The following LYSMD2 variants were observed in gnomAD, a reference collection of about 807,000 sequenced individuals.
The protein encoded by LYSMD2 is lysM and putative peptidoglycan-binding domain-containing protein 2.
LYSMD2 carries 6 observed loss-of-function variants against 17.7 expected under a neutral mutation model. That is an observed-to-expected ratio of 0.34 (90% CI 0.19 to 0.67). The LOEUF is 0.67. Among genes scored for constraint, LYSMD2 ranks in the 30% least tolerant of loss-of-function variants. LYSMD2 has a pLI of 0.69. For missense variants in LYSMD2, 237 were observed against 286.7 expected (o/e 0.83, Z 1.25); for synonymous variants, 102 against 129.8 (o/e 0.79, Z 1.45).
rs1266716128 is a variant in LYSMD2, at chr15:51,723,607, C to T, written c.648G>A (p.Ter216=). Residue 216 remains the stop codon, a stop_retained_variant, in exon 3 of 3, where the codon TAG becomes TAA. Transcript: ENST00000267838. ...GGTTAGAGTTATGCCCCCAAATCAC[C>T]TAACTGTGATAGAGGGAAGTTGCAT... is the stretch of plus-strand genomic sequence containing the variant. ...SPYATSLYHS[*] is the part of the protein sequence containing the mutation. 6 of 1,605,910 alleles carry T rather than the reference C, an allele frequency of 3.7e-6. No individual in the cohort carries two copies. The South Asian group carries it at 6.6e-5, about 18-fold the overall frequency.
intron 1 of LYSMD2, among the ~76,000 whole-genome samples, chr15:51,742,711 A>C (rs988568551): frequency 6.6e-6 from 1 of 152,168 alleles, no homozygotes; most frequent in Non-Finnish European, 1.5e-5. Flanking sequence ...TAATACCAGC[A>C]CTTTAAGAGG....
chr15:51,738,771 T>C (rs1207788115), upstream of LYSMD2, among the ~76,000 whole-genome samples: 1 of 152,156 alleles, frequency 6.6e-6, no homozygotes, highest in Non-Finnish European at 1.5e-5. Context: ...AGAGAAAGGA[T>C]GGGAGAGGAG....
At chr15:51,737,819 G>C (rs2055622426), upstream of LYSMD2, 15 of 346,058 alleles carry the variant, frequency 4.3e-5, no homozygotes, top group East Asian at 7.0e-4. The surrounding 1 kb of genome is among the most constrained non-coding windows in gnomAD (Gnocchi z 4.2). Context: ...TGCCTGCCCC[G>C]GGCGCCCGCG....
At chr15:51,743,041 T>C (rs541925771) in intron 1 of LYSMD2, among the ~76,000 whole-genome samples, 1 of 152,240 alleles carries the variant, frequency 6.6e-6, no homozygotes, top group South Asian at 2.1e-4. Flanking sequence ...CATACTTTGG[T>C]GTTGTGTATA....
At chr15:51,734,332 T>A (rs376164779) in intron 1 of LYSMD2, among the ~76,000 whole-genome samples, 1 of 152,190 alleles carries the variant, frequency 6.6e-6, no homozygotes, top group African/African-American at 2.4e-5. Flanking sequence ...TTGAGGAACA[T>A]GGATCTATTC....
In LYSMD2 at chr15:51,725,200, C is replaced by G; in HGVS notation, c.274-79G>C. On this transcript the variant is annotated intron_variant, in intron 1 of 2. Coordinates refer to ENST00000267838, the MANE Select transcript of LYSMD2 (RefSeq NM_153374.3). ...GATTTATTATACAATACAGAACTACCAATATTCATAAGCAAAATGTACACA... is the reference window on the plus strand; with the variant it reads ...GATTTATTATACAATACAGAACTACGAATATTCATAAGCAAAATGTACACA... 9 of 882,432 alleles carry G rather than the reference C, an allele frequency of 1.0e-5. No individual in the cohort carries two copies. The South Asian group carries it at 1.7e-4, about 17-fold the overall frequency. The allele number at this position is 882,432 out of a possible 1,614,324, so 54.7% of individuals were successfully genotyped here. A position where few individuals can be genotyped will look rare whatever the true frequency, so the allele number is the denominator to read the frequency against.
chr15:51,731,503 G>T (rs1441369300), intron 1 of LYSMD2, among the ~76,000 whole-genome samples: 1 of 152,090 alleles, frequency 6.6e-6, no homozygotes. Flanking sequence ...TTTCGTTAGC[G>T]GAAATGTTAA....
chr15:51,737,571 G>A lies in LYSMD2; in HGVS notation c.52C>T (p.Pro18Ser), dbSNP rs2055619552. The part of the protein sequence containing the change: ...LSLREGGPRA[P>S]RPSAPSPPPR... ...GGCGGCGAGGGGGCCGAGGGCCGCGGCGCGCGGGGGCCGCCTTCCCGCAGG... is the reference window on the plus strand; with the variant it reads ...GGCGGCGAGGGGGCCGAGGGCCGCGACGCGCGGGGGCCGCCTTCCCGCAGG... The change falls in exon 1 of 3, where the codon CCG becomes TCG. Residue 18 changes from proline (P) to serine (S), a missense_variant. Coordinates refer to ENST00000267838, the MANE Select transcript of LYSMD2 (RefSeq NM_153374.3). This position sits in a 1 kb window ranked among gnomAD's most constrained non-coding sequence, Gnocchi z 4.2. 8.2e-7 allele frequency: 1 copy of A among 1,219,560 alleles called. No homozygotes were observed. The highest frequency in any genetic ancestry group is 3.4e-5 in the East Asian group (1 of 29,806). 75.5% of individuals were successfully genotyped at this position (1,219,560 alleles called of 1,614,324 possible). A position where few individuals can be genotyped will look rare whatever the true frequency, so the allele number is the denominator to read the frequency against.
In LYSMD2 at chr15:51,747,946, C is replaced by T. The variant is rs1595856101; in HGVS notation, c.-1+3325G>A. Among the ~76,000 whole-genome samples, 3 of 152,254 alleles carry T rather than the reference C, an allele frequency of 2.0e-5. No homozygotes were observed. In the South Asian group the frequency reaches 6.2e-4, roughly 32 times the overall value. On this transcript the variant is annotated intron_variant, in intron 1 of 2. Transcript: ENST00000454181. The stretch of plus-strand genomic sequence containing the variant: ...TTATCTCAGTTAGTCTTTCTAATAA[C>T]CCCATGTGGTAAGTATTATTATCCT...
intron 1 of LYSMD2, 38 bp from the exon 2 acceptor site, chr15:51,725,159 C>G (rs3751595): frequency 0.046 from 59,325 of 1,289,506 alleles, 1,645 homozygotes; most frequent in African/African-American, 0.052. Flanking sequence ...TTACATATAA[C>G]CAAGTCAAGG....
At chr15:51,736,724 T>G (rs2055611360) in intron 1 of LYSMD2, among the ~76,000 whole-genome samples, 1 of 149,070 alleles carries the variant, frequency 6.7e-6, no homozygotes, top group Non-Finnish European at 1.5e-5. Flanking sequence ...CACACACACT[T>G]ATAAATTTGT....
intron 1 of LYSMD2, among the ~76,000 whole-genome samples, chr15:51,725,899 A>C (rs7174616): frequency 0.072 from 10,959 of 152,204 alleles, 489 homozygotes; most frequent in African/African-American, 0.12. Context: ...AATGTTTAAA[A>C]TGGGATTTTT....
chr15:51,749,471 A>G (rs908094335), intron 1 of LYSMD2, among the ~76,000 whole-genome samples: 4 of 152,202 alleles, frequency 2.6e-5, no homozygotes, highest in African/African-American at 9.7e-5. Context: ...ACTGCCGAAC[A>G]TGACTTTAAC....
At chr15:51,742,461 G>C (rs2055647638), upstream of LYSMD2, among the ~76,000 whole-genome samples, 1 of 152,088 alleles carries the variant, frequency 6.6e-6, no homozygotes, top group South Asian at 2.1e-4. Context: ...TTTTGTGTCT[G>C]GCTTATTTTA....
intron 1 of LYSMD2, among the ~76,000 whole-genome samples, chr15:51,725,927 G>A (rs1015691911): frequency 9.2e-5 from 14 of 152,072 alleles, no homozygotes; most frequent in Admixed American, 5.9e-4. Flanking sequence ...TCCGAAGTCC[G>A]TACAACATCT....
intron 1 of LYSMD2, among the ~76,000 whole-genome samples, chr15:51,726,009 CA>C (rs1167947405): frequency 6.6e-6 from 1 of 151,968 alleles, no homozygotes; most frequent in Non-Finnish European, 1.5e-5. Context: ...TGAGTAAAAA[CA>C]AAAAAATTGT....
intron 1 of LYSMD2, among the ~76,000 whole-genome samples, chr15:51,750,218 A>T (rs1037667284): frequency 5.3e-5 from 8 of 152,176 alleles, no homozygotes; most frequent in Admixed American, 5.2e-4. Context: ...TTGGGGAAAA[A>T]TACCTTCACT....
intron 1 of LYSMD2, among the ~76,000 whole-genome samples, chr15:51,743,941 T>C (rs1390445558): frequency 1.3e-5 from 2 of 152,164 alleles, no homozygotes; most frequent in African/African-American, 2.4e-5. Flanking sequence ...AAAGCAGTAG[T>C]TTTTTCTGTA....
rs1458002153 is a variant in LYSMD2, at chr15:51,750,050, A to G, written c.-1+1221T>C. Among the ~76,000 whole-genome samples, 5 of 152,166 alleles carry G rather than the reference A, an allele frequency of 3.3e-5. No individual in the cohort carries two copies. In the East Asian group the frequency reaches 7.7e-4, roughly 23 times the overall value. On this transcript the variant is annotated intron_variant, in intron 1 of 2. Transcript: ENST00000454181. ...AGGATTAACTTTACTTTCTGGTTCA[A>G]CCCATCTGCTGGGGAAGGTATGGCC... is the stretch of plus-strand genomic sequence containing the variant.
Sources: gnomAD v4.1 joint callset for allele counts (sites outside exome capture counted in the v4.1 genomes callset) on GRCh38, gnomAD v4.1.1 for gene constraint, Gnocchi (gnomAD v3.1) non-coding constraint, MANE v1.5 for transcripts, NCBI Gene and HGNC (gene_info 2026-07-23, HGNC 2026-07-21) for gene names.